Variants in DLGAP2 observed in about 807,000 individuals in gnomAD.
DLGAP2 encodes the protein DLG associated protein 2.
DLGAP2 carries 26 observed loss-of-function variants against 100.3 expected under a neutral mutation model. The observed-to-expected ratio is 0.26, with a 90% CI of 0.19 to 0.36. The LOEUF (loss-of-function observed/expected upper bound fraction) is 0.36, where lower values mean the gene tolerates loss of function less well. DLGAP2 is among the 10% of genes least tolerant of loss of function. The probability of loss-of-function intolerance (pLI) is 1.00; values close to 1 mark genes in which losing one functional copy is unlikely to be tolerated. For missense variants in DLGAP2, 1,858 were observed against 1,453.2 expected (o/e 1.28, Z -4.53); for synonymous variants, 886 against 630.1 (o/e 1.41, Z -6.08).
At chr8:1,377,611 G>T (rs1411344839) in intron 3 of DLGAP2, among the ~76,000 whole-genome samples, 2 of 152,194 alleles carry the variant, frequency 1.3e-5, no homozygotes, top group African/African-American at 4.8e-5. Context: ...AAGCTGGGAG[G>T]CAGAGGACAT....
intron 4 of DLGAP2, among the ~76,000 whole-genome samples, chr8:1,538,145 A>C (rs1801219831): frequency 6.6e-6 from 1 of 152,146 alleles, no homozygotes; most frequent in African/African-American, 2.4e-5. Context: ...GCATGGCCTC[A>C]GTCCTCCCTG....
At chr8:1,423,715 C>T (rs1448154288) in intron 3 of DLGAP2, among the ~76,000 whole-genome samples, 1 of 152,140 alleles carries the variant, frequency 6.6e-6, no homozygotes, top group African/African-American at 2.4e-5. Context: ...ACAGAGTGTG[C>T]AAGAGCACTC....
chr8:963,311 A>T (rs570779556), intron 2 of DLGAP2, among the ~76,000 whole-genome samples: 53 of 149,876 alleles, frequency 3.5e-4, no homozygotes, highest in African/African-American at 1.3e-3. Context: ...GTCAGCTCTC[A>T]GATGTGAGGG....
intron 1 of DLGAP2, among the ~76,000 whole-genome samples, chr8:816,074 C>G (rs989195982): frequency 6.6e-5 from 10 of 152,042 alleles, no homozygotes; most frequent in African/African-American, 2.4e-4. Context: ...TTTCTTCCAC[C>G]CCTTTATTTT....
rs1159906851 is a variant in DLGAP2, at chr8:1,419,201, C to CGTGTGT, written c.107-82162_107-82161insTGTGTG. 6.2e-4 allele frequency among the ~76,000 whole-genome samples: 83 copies of CGTGTGT among 133,438 alleles called. 2 individuals carry two copies. Among genetic ancestry groups the CGTGTGT allele is most frequent in the Middle Eastern group, 4.1e-3 (1 of 244 alleles). 87.5% of individuals were successfully genotyped at this position (133,438 alleles called of 152,430 possible). ...TGGGATACTGTGTTACACTCTGATG[C>CGTGTGT]GTGCGTGTGTGTGTGTGTGTGTGTG... On this transcript the variant is annotated intron_variant, in intron 3 of 14. Transcript: ENST00000637795.
At chr8:1,350,910 G>T (rs1801705913) in intron 3 of DLGAP2, among the ~76,000 whole-genome samples, 1 of 135,292 alleles carries the variant, frequency 7.4e-6, no homozygotes. Flanking sequence ...AGGCCGTGCG[G>T]GTCCTGACTG....
intron 2 of DLGAP2, among the ~76,000 whole-genome samples, chr8:1,173,304 T>TC (rs1408171661): frequency 1.3e-5 from 2 of 152,172 alleles, no homozygotes; most frequent in East Asian, 1.9e-4. Context: ...GGGGGGTGCC[T>TC]CCAGTTAGGC....
chr8:1,075,843 G>A (rs768597313), intron 2 of DLGAP2, among the ~76,000 whole-genome samples: 19 of 151,992 alleles, frequency 1.3e-4, no homozygotes, highest in Non-Finnish European at 2.5e-4. Context: ...AAGGTAGGAG[G>A]ATTGCTGGAG....
intron 2 of DLGAP2, among the ~76,000 whole-genome samples, chr8:1,074,339 T>A (rs1222556888): frequency 6.6e-6 from 1 of 151,720 alleles, no homozygotes; most frequent in African/African-American, 2.4e-5. Context: ...GAGGCTGAAC[T>A]CACCCAGGTA....
chr8:953,336 G>C (rs1203476983), intron 2 of DLGAP2, among the ~76,000 whole-genome samples: 1 of 152,090 alleles, frequency 6.6e-6, no homozygotes, highest in Non-Finnish European at 1.5e-5. Flanking sequence ...TGGGATTACA[G>C]ACACTTGTCA....
At chr8:1,156,218 G>A (rs1235492219) in intron 2 of DLGAP2, among the ~76,000 whole-genome samples, 1 of 152,274 alleles carries the variant, frequency 6.6e-6, no homozygotes, top group East Asian at 1.9e-4. Flanking sequence ...GGGAGCGGCC[G>A]CTTCAATGAA....
chr8:1,438,669 C>T (rs1797728187), intron 3 of DLGAP2, among the ~76,000 whole-genome samples: 1 of 152,156 alleles, frequency 6.6e-6, no homozygotes, highest in South Asian at 2.1e-4. Context: ...GTTTTCTCCT[C>T]CAAGGGCAGG....
chr8:816,665 T>G (rs746549988), intron 1 of DLGAP2, among the ~76,000 whole-genome samples: 13 of 152,224 alleles, frequency 8.5e-5, no homozygotes, highest in Non-Finnish European at 1.8e-4. Flanking sequence ...TTCCTTTGTC[T>G]TGACTTTGGA....
At chr8:1,580,801 A>G (rs985613432) in intron 6 of DLGAP2, among the ~76,000 whole-genome samples, 3 of 151,788 alleles carry the variant, frequency 2.0e-5, no homozygotes, top group African/African-American at 7.3e-5. Context: ...TCTACACACC[A>G]CAGTAAACTA....
chr8:876,986 A>G (rs1402562337), intron 1 of DLGAP2, among the ~76,000 whole-genome samples: 1 of 145,440 alleles, frequency 6.9e-6, no homozygotes, highest in African/African-American at 2.5e-5. Flanking sequence ...GGTTATTTCT[A>G]TATTTTTACC....
intron 3 of DLGAP2, among the ~76,000 whole-genome samples, chr8:1,459,420 T>A (rs1798411085): frequency 6.6e-6 from 1 of 152,358 alleles, no homozygotes; most frequent in African/African-American, 2.4e-5. Flanking sequence ...TCACTTGTCA[T>A]GATATTCATT....
At chr8:737,850 G>C (rs1415734351) in intron 1 of DLGAP2, 25 bp downstream of exon 1, 3 of 376,664 alleles carry the variant, frequency 8.0e-6, no homozygotes, top group African/African-American at 6.3e-5. Context: ...GGGCTGCCGG[G>C]AGCCGGGCGC....
At chr8:1,227,153 G>GAT (rs759172816) in intron 2 of DLGAP2, among the ~76,000 whole-genome samples, 1,298 of 89,588 alleles carry the variant, frequency 0.014, 136 homozygotes, top group South Asian at 0.034. Flanking sequence ...GAAACTGTGA[G>GAT]ATATATATAT....
chr8:1,025,661 C>G (rs544827373), intron 2 of DLGAP2, among the ~76,000 whole-genome samples: 9 of 152,276 alleles, frequency 5.9e-5, no homozygotes, highest in African/African-American at 1.7e-4. Flanking sequence ...CCACCCTCCC[C>G]TAGAGCCATG....
Sources: allele counts gnomAD v4.1 joint callset (sites outside exome capture counted in the v4.1 genomes callset), GRCh38; gene constraint gnomAD v4.1.1; transcripts MANE v1.5; gene names NCBI Gene and HGNC (gene_info 2026-07-23, HGNC 2026-07-21).